Variants in RARB observed in about 807,000 individuals in gnomAD.
The protein encoded by RARB is HBV-activated protein.
A neutral mutation model predicts 51.9 loss-of-function variants in RARB; 17 were observed. The ratio of observed to expected loss-of-function variants is 0.33; its 90% CI spans 0.22 to 0.49. The LOEUF is 0.49. RARB is among the 20% of genes least tolerant of loss of function. The probability of loss-of-function intolerance (pLI) is 0.99; values close to 1 mark genes in which losing one functional copy is unlikely to be tolerated. For synonymous variants in RARB, 215 were observed against 195.4 expected, an observed-to-expected ratio of 1.10 and a Z score of -0.84; for missense variants, 369 against 550.8, an observed-to-expected ratio of 0.67 and a Z score of 3.30.
intron 2 of RARB, among the ~76,000 whole-genome samples, chr3:24,891,642 T>C (rs756937939): frequency 4.6e-5 from 7 of 152,182 alleles, no homozygotes; most frequent in African/African-American, 9.7e-5. Flanking sequence ...ATATTAGCAC[T>C]GATAGTGTGG....
At chr3:24,903,497 A>C (rs956271069) in intron 2 of RARB, among the ~76,000 whole-genome samples, 3 of 152,116 alleles carry the variant, frequency 2.0e-5, no homozygotes, top group African/African-American at 7.2e-5. Flanking sequence ...TATAATCATA[A>C]ATATATTTAA....
intron 5 of RARB, among the ~76,000 whole-genome samples, chr3:25,204,883 T>G (rs919234187): frequency 1.3e-5 from 2 of 152,190 alleles, no homozygotes; most frequent in African/African-American, 4.8e-5. Flanking sequence ...GGGACCCACT[T>G]GAGGAGGCAG....
chr3:25,473,924 A>AAAAAAAAAAC (rs957909690), intron 2 of RARB, among the ~76,000 whole-genome samples: 2 of 150,672 alleles, frequency 1.3e-5, no homozygotes, highest in Non-Finnish European at 3.0e-5. Context: ...CTGGCAGGAA[A>AAAAAAAAAAC]AAAAAAAAAC....
intron 5 of RARB, among the ~76,000 whole-genome samples, chr3:25,314,061 ACT>A (rs1236855911): frequency 2.6e-5 from 4 of 152,074 alleles, no homozygotes; most frequent in Non-Finnish European, 5.9e-5. Flanking sequence ...ACAGAGCCAG[ACT>A]CTGTCTCAAC....
chr3:25,421,492 A>T (rs1328255341), intron 5 of RARB, among the ~76,000 whole-genome samples: 1 of 140,876 alleles, frequency 7.1e-6, no homozygotes, highest in Admixed American at 7.6e-5. Flanking sequence ...GCTCACTGCA[A>T]CTTCCACCTC....
At chr3:25,458,547 C>T (rs1187932170) in intron 1 of RARB, among the ~76,000 whole-genome samples, 2 of 152,160 alleles carry the variant, frequency 1.3e-5, no homozygotes, top group Non-Finnish European at 2.9e-5. Flanking sequence ...TGCTTGATAG[C>T]TGATAAGCTT....
chr3:24,866,540 G>C (rs1057270741), intron 2 of RARB, among the ~76,000 whole-genome samples: 4 of 152,056 alleles, frequency 2.6e-5, no homozygotes, highest in African/African-American at 7.2e-5. Flanking sequence ...TTCGTGGGGG[G>C]AATGGGAAAA....
At chr3:25,337,159 G>A (rs1705087343) in intron 5 of RARB, among the ~76,000 whole-genome samples, 2 of 152,074 alleles carry the variant, frequency 1.3e-5, no homozygotes, top group South Asian at 2.1e-4. Context: ...TGTACATTTT[G>A]CTCATCTATG....
intron 2 of RARB, among the ~76,000 whole-genome samples, chr3:25,490,526 C>A (rs1375560166): frequency 6.6e-6 from 1 of 152,124 alleles, no homozygotes; most frequent in Non-Finnish European, 1.5e-5. Flanking sequence ...TAAAGGGTTT[C>A]AGTATATATG....
chr3:25,460,507 G>A lies in RARB; in HGVS notation c.158-686G>A, dbSNP rs11915637. ...CTGTTGCCCAGGCTGGAGTTCAGTC[G>A]TACGATTTCAGCTCACTGCAACCTC... is the stretch of plus-strand genomic sequence containing the variant. On this transcript the variant is annotated intron_variant, in intron 1 of 7. Coordinates refer to ENST00000330688, the MANE Select transcript of RARB (RefSeq NM_000965.5). Among the ~76,000 whole-genome samples the A allele has an allele frequency of 8.5e-3, 1,291 of 151,492 alleles. 21 individuals carry two copies. Among genetic ancestry groups the A allele is most frequent in the African/African-American group, 0.03 (1,239 of 41,152 alleles).
At chr3:24,832,019 AAC>A (rs1446776760) in intron 1 of RARB, among the ~76,000 whole-genome samples, 1 of 152,196 alleles carries the variant, frequency 6.6e-6, no homozygotes, top group Non-Finnish European at 1.5e-5. Context: ...TTAAGTTATT[AAC>A]ATCTTAAGAC....
chr3:24,944,966 AG>A (rs1197370787), intron 2 of RARB, among the ~76,000 whole-genome samples: 2 of 152,214 alleles, frequency 1.3e-5, no homozygotes, highest in African/African-American at 4.8e-5. Context: ...GTGCCCACAA[AG>A]CACAAAGCAA....
At chr3:25,416,088 G>C (rs1707695424) in intron 5 of RARB, among the ~76,000 whole-genome samples, 1 of 152,134 alleles carries the variant, frequency 6.6e-6, no homozygotes, top group East Asian at 1.9e-4. Flanking sequence ...GATGCAACAA[G>C]GCATGCCAAT....
chr3:24,940,588 A>T (rs1171694610), intron 2 of RARB, among the ~76,000 whole-genome samples: 2 of 152,060 alleles, frequency 1.3e-5, no homozygotes, highest in Non-Finnish European at 2.9e-5. Context: ...TTGCATCTCT[A>T]TGGCAGTACT....
chr3:25,215,191 G>T lies in RARB; in HGVS notation c.178+40616G>T, dbSNP rs73147398. The stretch of plus-strand genomic sequence containing the variant: ...TTTGGTTTTGGATGAAGCCTGGGCA[G>T]CAGTTTATCTGAAAGGATTCCCAGG... On this transcript the variant is annotated intron_variant, in intron 5 of 11. Transcript: ENST00000383772. 7.6e-3 allele frequency among the ~76,000 whole-genome samples: 1,164 copies of T among 152,326 alleles called. 16 individuals are homozygous for T. Among genetic ancestry groups the T allele is most frequent in the African/African-American group, 0.027 (1,105 of 41,562 alleles).
At chr3:25,279,570 C>T (rs543825224) in intron 5 of RARB, among the ~76,000 whole-genome samples, 1 of 150,586 alleles carries the variant, frequency 6.6e-6, no homozygotes, top group Admixed American at 6.6e-5. Flanking sequence ...ATAGTTACTA[C>T]TGATCTATTA....
At chr3:25,468,578 A>AAG (rs1695548791) in intron 2 of RARB, among the ~76,000 whole-genome samples, 1 of 151,998 alleles carries the variant, frequency 6.6e-6, no homozygotes, top group Non-Finnish European at 1.5e-5. Flanking sequence ...CCACTGCTTC[A>AAG]GCCACACTTA....
chr3:24,839,398 G>T (rs1384087588), intron 1 of RARB, among the ~76,000 whole-genome samples: 1 of 151,840 alleles, frequency 6.6e-6, no homozygotes, highest in Admixed American at 6.6e-5. Context: ...ATTATCCACT[G>T]AATTTGAAAA....
chr3:25,163,504 A>AAAAAAAAAAAAAATATATATATATAT (rs1303712411), intron 4 of RARB, among the ~76,000 whole-genome samples: 4 of 131,122 alleles, frequency 3.1e-5, no homozygotes, highest in African/African-American at 1.3e-4. Flanking sequence ...CCTATCTCAA[A>AAAAAAAAAAAAAATATATATATATAT]ATATATATAT....
Sources: gnomAD v4.1 joint callset for allele counts (sites outside exome capture counted in the v4.1 genomes callset) on GRCh38, gnomAD v4.1.1 for gene constraint, MANE v1.5 for transcripts, NCBI Gene and HGNC (gene_info 2026-07-23, HGNC 2026-07-21) for gene names.